Variants in POFUT3 observed in about 807,000 individuals in gnomAD.
POFUT3 encodes protein O-fucosyltransferase 3, also known as GDP-fucose protein O-fucosyltransferase 3.
the POFUT3 span, among the ~76,000 whole-genome samples, chr8:33,322,908 TTTG>T: frequency 3.3e-5 from 5 of 152,190 alleles, no homozygotes; most frequent in African/African-American, 1.2e-4. Context: ...TGAGTTAGAT[TTTG>T]TTTCTGAGGT....
chr8:33,430,734 G>A, the POFUT3 span, among the ~76,000 whole-genome samples: 4 of 152,078 alleles, frequency 2.6e-5, no homozygotes, highest in Admixed American at 6.6e-5. Flanking sequence ...TTAGCCTCCC[G>A]AGTCGCTGGG....
chr8:33,401,654 T>C, the POFUT3 span, among the ~76,000 whole-genome samples: 1 of 152,318 alleles, frequency 6.6e-6, no homozygotes, highest in Admixed American at 6.5e-5. Flanking sequence ...AATGATCACA[T>C]GGTATTATTT....
the POFUT3 span, chr8:33,377,632 A>T: frequency 7.5e-4 from 114 of 152,374 alleles, 2 homozygotes; most frequent in African/African-American, 2.7e-3. Context: ...TTTCCACTCT[A>T]ACATTCTGCC....
the POFUT3 span, among the ~76,000 whole-genome samples, chr8:33,318,353 T>C: frequency 1.3e-5 from 2 of 149,960 alleles, no homozygotes; most frequent in Admixed American, 1.4e-4. Context: ...AATCCTACAA[T>C]GTCTAGCACA....
At chr8:33,334,045 A>C in the POFUT3 span, among the ~76,000 whole-genome samples, 1 of 152,178 alleles carries the variant, frequency 6.6e-6, no homozygotes, top group African/African-American at 2.4e-5. Context: ...TGTCTTGGGA[A>C]GCGTCACTTC....
chr8:33,418,943 G>A, the POFUT3 span, among the ~76,000 whole-genome samples: 1 of 152,164 alleles, frequency 6.6e-6, no homozygotes, highest in Non-Finnish European at 1.5e-5. Context: ...TGGAACTGGA[G>A]GTTATTAGGT....
chr8:33,442,779 A>G, the POFUT3 span, among the ~76,000 whole-genome samples: 4 of 152,180 alleles, frequency 2.6e-5, no homozygotes, highest in African/African-American at 7.2e-5. Context: ...TATTTCCTAT[A>G]GCTATAATAC....
the POFUT3 span, chr8:33,370,973 G>A: frequency 3.3e-5 from 5 of 152,060 alleles, no homozygotes; most frequent in Admixed American, 1.3e-4. Flanking sequence ...TCCAAACAGC[G>A]TGCTTCCCTT....
At chr8:33,419,989 G>A in the POFUT3 span, among the ~76,000 whole-genome samples, 2 of 152,098 alleles carry the variant, frequency 1.3e-5, no homozygotes, top group African/African-American at 2.4e-5. Context: ...TTAGCCAGGT[G>A]TGGTGGCACA....
chr8:33,468,369 C>G, the POFUT3 span, among the ~76,000 whole-genome samples: 1 of 152,102 alleles, frequency 6.6e-6, no homozygotes, highest in Non-Finnish European at 1.5e-5. Context: ...ACTCCTTTGC[C>G]CATTTCTGCT....
chr8:33,326,134 C>G, the POFUT3 span, among the ~76,000 whole-genome samples: 1 of 152,100 alleles, frequency 6.6e-6, no homozygotes, highest in South Asian at 2.1e-4. Context: ...CACTTTATAC[C>G]ACAATATATT....
the POFUT3 span, among the ~76,000 whole-genome samples, chr8:33,410,700 C>T: frequency 6.6e-6 from 1 of 152,106 alleles, no homozygotes; most frequent in Non-Finnish European, 1.5e-5. Flanking sequence ...TGCATTGCAC[C>T]GATAGAGCCA....
At chr8:33,318,212 T>C in the POFUT3 span, among the ~76,000 whole-genome samples, 1 of 151,892 alleles carries the variant, frequency 6.6e-6, no homozygotes, top group African/African-American at 2.4e-5. Context: ...TTTCCTGCTG[T>C]TTTGTATTTT....
chr8:33,331,218 C>A, the POFUT3 span, among the ~76,000 whole-genome samples: 1 of 146,240 alleles, frequency 6.8e-6, no homozygotes, highest in Non-Finnish European at 1.5e-5. Flanking sequence ...CCTGTAATCC[C>A]AGCTACTCGG....
the POFUT3 span, among the ~76,000 whole-genome samples, chr8:33,321,977 G>A: frequency 3.3e-5 from 5 of 152,066 alleles, no homozygotes; most frequent in Admixed American, 3.3e-4. Context: ...GCTGCAATGA[G>A]TATATGTCTG....
chr8:33,408,570 C>T, the POFUT3 span, among the ~76,000 whole-genome samples: 1 of 152,134 alleles, frequency 6.6e-6, no homozygotes, highest in African/African-American at 2.4e-5. Flanking sequence ...TGCAATGATG[C>T]TCAGCCTGGT....
the POFUT3 span, among the ~76,000 whole-genome samples, chr8:33,472,872 GCA>G: frequency 6.6e-6 from 1 of 152,200 alleles, no homozygotes; most frequent in Admixed American, 6.5e-5. Context: ...GGATTATTTT[GCA>G]CACACCATTC....
At chr8:33,309,901 A>T in the POFUT3 span, among the ~76,000 whole-genome samples, 1 of 152,162 alleles carries the variant, frequency 6.6e-6, no homozygotes, top group Non-Finnish European at 1.5e-5. Context: ...GTTACACACA[A>T]ACAATTCCAA....
the POFUT3 span, among the ~76,000 whole-genome samples, chr8:33,370,354 C>CA: frequency 8.6e-5 from 13 of 151,412 alleles, no homozygotes; most frequent in African/African-American, 2.9e-4. Context: ...GACTTCTTCT[C>CA]AAAAAAAATA....
Sources: allele counts gnomAD v4.1 joint callset (sites outside exome capture counted in the v4.1 genomes callset), GRCh38; gene constraint gnomAD v4.1.1; transcripts MANE v1.5; gene names NCBI Gene and HGNC (gene_info 2026-07-23, HGNC 2026-07-21).